Variants in PABIR3 observed in about 807,000 individuals in gnomAD.
PABIR3 encodes PABIR family member 3.
PABIR3 carries 20 observed loss-of-function variants against 23.1 expected under a neutral mutation model. The ratio of observed to expected loss-of-function variants is 0.86; its 90% confidence interval spans 0.61 to 1.26. The LOEUF (loss-of-function observed/expected upper bound fraction) is 1.26, where lower values mean the gene tolerates loss of function less well. Ranked by LOEUF, PABIR3 falls within the 50% of genes most tolerant of loss-of-function variation. The pLI, the probability that PABIR3 is intolerant of heterozygous loss-of-function variation, is 0.00. For synonymous variants in PABIR3, 69 were observed against 68.5 expected, an observed-to-expected ratio of 1.01 and a Z score of -0.04; for missense variants, 189 against 195.4, an observed-to-expected ratio of 0.97 and a Z score of 0.20.
chrX:134,821,338 A>C (rs2081286412), intron 3 of PABIR3: 1 of 1,150,724 alleles, frequency 8.7e-7, no homozygotes, highest in South Asian at 1.9e-5. Flanking sequence ...AAATTACTTC[A>C]CCCACTTCTG....
At chrX:134,849,601 C>T (rs1427460390) in intron 9 of PABIR3, among the ~76,000 whole-genome samples, 1 of 111,161 alleles carries the variant, frequency 9.0e-6, no homozygotes, top group Non-Finnish European at 1.9e-5. Context: ...CTCACTGCCA[C>T]ACACACACAT....
At chrX:134,808,147 G>A (rs2080352461) in intron 2 of PABIR3, 1 of 295,873 alleles carries the variant, frequency 3.4e-6, no homozygotes, top group African/African-American at 2.7e-5. Flanking sequence ...CGCTTGAATG[G>A]AAATGGTTGT....
chrX:134,859,238 T>C (rs904278176), downstream of PABIR3, among the ~76,000 whole-genome samples: 10 of 111,706 alleles, frequency 9.0e-5, no homozygotes, highest in African/African-American at 3.3e-4. Flanking sequence ...TTATGGATTC[T>C]CTGAAAACAT....
intron 4 of PABIR3, among the ~76,000 whole-genome samples, chrX:134,843,947 G>C (rs1326252189): frequency 3.7e-5 from 3 of 81,728 alleles, no homozygotes; most frequent in African/African-American, 1.6e-4. Flanking sequence ...TTTTGAGACA[G>C]AGTGTTGCTC....
intron 9 of PABIR3, among the ~76,000 whole-genome samples, chrX:134,852,072 A>G (rs1355886257): frequency 8.9e-6 from 1 of 112,607 alleles, no homozygotes; most frequent in Admixed American, 9.5e-5. Context: ...GAACTTACCT[A>G]TTTAGTTCAT....
At chrX:134,822,451 G>A (rs1366454189) in intron 3 of PABIR3, 1 of 749,395 alleles carries the variant, frequency 1.3e-6, no homozygotes. Context: ...TGTAGCTTAT[G>A]ATTCTGTAGC....
chrX:134,798,624 A>G (rs893055666), intron 1 of PABIR3, among the ~76,000 whole-genome samples: 5 of 112,058 alleles, frequency 4.5e-5, no homozygotes, highest in East Asian at 2.8e-4. Context: ...CTTCCTGCTG[A>G]TTAGGGGTGT....
intron 4 of PABIR3, chrX:134,838,628 A>C (rs1603233763): frequency 3.1e-5 from 2 of 63,802 alleles, no homozygotes. Context: ...AAAAAACATC[A>C]TTTTCCTCCC....
At chrX:134,857,060 G>A (rs765389080), downstream of PABIR3, among the ~76,000 whole-genome samples, 1 of 112,292 alleles carries the variant, frequency 8.9e-6, no homozygotes, top group African/African-American at 3.2e-5. Flanking sequence ...TCCTAAACAT[G>A]CTGAAGAATT....
At chrX:134,827,024 G>A (rs1364195954) in intron 3 of PABIR3, among the ~76,000 whole-genome samples, 1 of 111,254 alleles carries the variant, frequency 9.0e-6, no homozygotes. Flanking sequence ...GCAGTGGCAC[G>A]ATCTCAGCTC....
rs1039209709 is a variant in PABIR3, at chrX:134,843,789, A to G, written c.247-1416A>G. ...TCACCATGTTAGCCAGGATGGTCTC[A>G]ATCTCCTGACCTCGTGATCCGCCCA... On this transcript the variant is annotated intron_variant, in intron 4 of 10. Transcript: ENST00000645433. Among the ~76,000 whole-genome samples the G allele has an allele frequency of 2.8e-5, 3 of 108,762 alleles. 1 individual carries two copies. In the Admixed American group the frequency reaches 3.0e-4, roughly 11 times the overall value. 94.4% of individuals were successfully genotyped at this position (108,762 alleles called of 115,157 possible).
the PABIR3 span, among the ~76,000 whole-genome samples, chrX:134,861,984 G>C: frequency 9.0e-6 from 1 of 110,688 alleles, no homozygotes; most frequent in Non-Finnish European, 1.9e-5. Flanking sequence ...GGTTAAAATA[G>C]ATTGCAGTAC....
chrX:134,847,735 G>C lies in PABIR3; in HGVS notation c.439-148G>C. 7 of 491,013 alleles carry C rather than the reference G, an allele frequency of 1.4e-5. No homozygotes were observed. In the South Asian group the frequency reaches 2.2e-4, roughly 15 times the overall value. The allele number at this position is 491,013 out of a possible 1,213,427, so 40.5% of individuals were successfully genotyped here. A position where few individuals can be genotyped will look rare whatever the true frequency, so the allele number is the denominator to read the frequency against. On this transcript the variant is annotated intron_variant, in intron 7 of 10. Transcript: ENST00000645433. The stretch of plus-strand genomic sequence containing the variant: ...TAGCCACAACCATAATCAAGATATT[G>C]AACAGTTCCCACACTCAAAACAATT...
At position 134,840,367 on chromosome X, in the gene PABIR3, C is replaced by A. The variant is rs753207259; in HGVS notation, c.247-4838C>A. ...CAAGAATGATCAATAAAAAAAAAAA[C>A]AAAAAACAAAAACAAAACAAAAAAA... On this transcript the variant is annotated intron_variant, in intron 4 of 10. Transcript: ENST00000645433. Among the ~76,000 whole-genome samples, 779 of 109,526 alleles carry A rather than the reference C, an allele frequency of 7.1e-3. 8 individuals carry two copies. Among genetic ancestry groups the A allele is most frequent in the African/African-American group, 0.018 (538 of 30,151 alleles).
At chrX:134,860,861 T>C in the PABIR3 span, among the ~76,000 whole-genome samples, 1 of 111,937 alleles carries the variant, frequency 8.9e-6, no homozygotes, top group Non-Finnish European at 1.9e-5. Flanking sequence ...ATTTCACTTA[T>C]ATGAAATATT....
chrX:134,818,530 A>G (rs1454207020), intron 3 of PABIR3, among the ~76,000 whole-genome samples: 1 of 112,114 alleles, frequency 8.9e-6, no homozygotes, highest in Non-Finnish European at 1.9e-5. Flanking sequence ...TGTCCTTTGA[A>G]TTACCAAAAC....
In PABIR3 at chrX:134,814,880, CTA is replaced by C. The variant is rs760468987; in HGVS notation, c.189+32_189+33del. On this transcript the variant is annotated intron_variant, in intron 3 of 10. Transcript: ENST00000645433. Reference sequence around the variant, plus strand: ...GAAATGCTTATAGTGGCCTCCCTGTCTAAGACTTGTGCTTATTGGTCTCAACC... The same window carrying C: ...GAAATGCTTATAGTGGCCTCCCTGTCAGACTTGTGCTTATTGGTCTCAACC... The C allele has an allele frequency of 1.1e-5, 12 of 1,060,099 alleles. No individual in the cohort carries two copies. The South Asian group carries it at 2.5e-4, about 22-fold the overall frequency. The allele number at this position is 1,060,099 out of a possible 1,213,427, so 87.4% of individuals were successfully genotyped here.
chrX:134,821,265 A>C (rs1037371508), intron 3 of PABIR3: 353 of 978,862 alleles, frequency 3.6e-4, no homozygotes, highest in Non-Finnish European at 3.7e-4. Flanking sequence ...AAAAAAAAAA[A>C]AACTGTTCCC....
At chrX:134,844,960 A>G (rs753542792) in intron 4 of PABIR3, among the ~76,000 whole-genome samples, 36 of 112,380 alleles carry the variant, frequency 3.2e-4, no homozygotes, top group African/African-American at 1.2e-3. Context: ...GAAAAGTACA[A>G]AGTTTTTCAT....
Sources: allele counts gnomAD v4.1 joint callset (sites outside exome capture counted in the v4.1 genomes callset), GRCh38; gene constraint gnomAD v4.1.1; transcripts MANE v1.5; gene names NCBI Gene and HGNC (gene_info 2026-07-23, HGNC 2026-07-21).